KANSL1: variants seen among roughly 807,000 people sequenced by gnomAD.
KANSL1 encodes the protein KAT8 regulatory NSL complex subunit 1.
In KANSL1, 22 loss-of-function variants were observed where a neutral mutation model predicts 103.6. That is an observed-to-expected ratio of 0.21 (90% CI 0.15 to 0.30). The LOEUF is 0.30. Ranked by LOEUF, KANSL1 falls within the 10% of genes least tolerant of loss-of-function variation. KANSL1 has a pLI of 1.00. For missense variants in KANSL1, 1,337 were observed against 1,399.8 expected, an observed-to-expected ratio of 0.96 and a Z score of 0.72; for synonymous variants, 600 against 527.6, an observed-to-expected ratio of 1.14 and a Z score of -1.88.
At chr17:46,052,964 CAAAAAAAAAAAAAAAAAAAAAAAAAAAA>C (rs34473927) in intron 6 of KANSL1, among the ~76,000 whole-genome samples, 6 of 32,972 alleles carry the variant, frequency 1.8e-4, no homozygotes, top group East Asian at 8.1e-4. Context: ...ATCCTGTCTC[CAAAAAAAAAAAAAAAAAAAAAAAAAAAA>C]AAAAAAAAAA....
At chr17:46,071,185 AAGTCAAC>A (rs1163777746) in intron 4 of KANSL1, among the ~76,000 whole-genome samples, 1 of 152,192 alleles carries the variant, frequency 6.6e-6, no homozygotes, top group Non-Finnish European at 1.5e-5. Flanking sequence ...ATCAAAATTG[AAGTCAAC>A]AGGCAACACA....
chr17:46,200,030 A>G (rs1365976439), intron 1 of KANSL1, among the ~76,000 whole-genome samples: 1 of 116,772 alleles, frequency 8.6e-6, no homozygotes, highest in African/African-American at 3.4e-5. Context: ...AAAGTTCCTC[A>G]ATGAGTTTAC....
intron 2 of KANSL1, among the ~76,000 whole-genome samples, chr17:46,139,658 C>T (rs1313612278): frequency 6.6e-6 from 1 of 152,160 alleles, no homozygotes. Flanking sequence ...GTCTAGTACT[C>T]CTGTTGCCTA....
In KANSL1 at chr17:46,170,201, C is replaced by T. The variant is rs370310577; in HGVS notation, c.1289+654G>A. The T allele has an allele frequency of 1.1e-4, 16 of 151,244 alleles. No individual in the cohort carries two copies. In the East Asian group the frequency reaches 3.1e-3, roughly 29 times the overall value. The allele number at this position is 151,244 out of a possible 1,614,324, so 9.4% of individuals were successfully genotyped here. ...AAAAACAACCCAGTAAGAATTTATT[C>T]CAAATACATCAATACATTTAACTCA... On this transcript the variant is annotated intron_variant, in intron 2 of 14. Coordinates refer to ENST00000432791, the MANE Select transcript of KANSL1 (RefSeq NM_015443.4).
At chr17:46,047,714 G>A (rs1182765727) in intron 7 of KANSL1, among the ~76,000 whole-genome samples, 1 of 151,188 alleles carries the variant, frequency 6.6e-6, no homozygotes, top group Non-Finnish European at 1.5e-5. Context: ...TTAGAGCCCA[G>A]GAAGTCAAGG....
intron 4 of KANSL1, among the ~76,000 whole-genome samples, chr17:46,075,284 G>GT (rs1568419437): frequency 6.6e-6 from 1 of 152,164 alleles, no homozygotes; most frequent in Non-Finnish European, 1.5e-5. Flanking sequence ...GACAAGATGT[G>GT]TTAAGATTAG....
At chr17:46,128,540 T>G (rs1221290909) in intron 2 of KANSL1, among the ~76,000 whole-genome samples, 2 of 151,538 alleles carry the variant, frequency 1.3e-5, no homozygotes. Context: ...GGACAGAGAG[T>G]GAAGTTGTCC....
intron 10 of KANSL1, chr17:46,038,323 C>G (rs1367517463): frequency 1.7e-6 from 1 of 578,144 alleles, no homozygotes; most frequent in East Asian, 2.8e-5. Flanking sequence ...AAATCCATCT[C>G]TGCTATGAAA....
In KANSL1 at chr17:46,090,602, C is replaced by T. The variant is rs558271645; in HGVS notation, c.1431+3958G>A. ...TTCATGTAAGCAGCTGGTAGCAAAG[C>T]CACGATTAGAAACAAAAATTTACCA... On this transcript the variant is annotated intron_variant, in intron 3 of 14. Transcript: ENST00000432791. Among the ~76,000 whole-genome samples the T allele has an allele frequency of 2.0e-5, 3 of 152,274 alleles. No homozygotes were observed. In the South Asian group the frequency reaches 6.2e-4, roughly 32 times the overall value.
intron 9 of KANSL1, 30 bp from the exon 10 acceptor site, chr17:46,038,716 A>G (rs751450813): frequency 6.2e-7 from 1 of 1,613,004 alleles, no homozygotes; most frequent in South Asian, 1.1e-5. Context: ...AGAGAGAAAT[A>G]CATGGCTATC....
At chr17:46,212,015 A>G (rs1485439511) in intron 1 of KANSL1, among the ~76,000 whole-genome samples, 1 of 152,138 alleles carries the variant, frequency 6.6e-6, no homozygotes, top group African/African-American at 2.4e-5. Context: ...GGTTGGACAG[A>G]CCCCGGACAG....
intron 2 of KANSL1, among the ~76,000 whole-genome samples, chr17:46,105,939 ACACACACACCC>A (rs1567680791): frequency 0.025 from 1,915 of 76,470 alleles, 39 homozygotes; most frequent in Non-Finnish European, 0.044. Flanking sequence ...ACACACACAC[ACACACACACCC>A]CCCCAGAAGG....
At chr17:46,207,649 A>G (rs1456453398) in intron 1 of KANSL1, among the ~76,000 whole-genome samples, 1 of 152,270 alleles carries the variant, frequency 6.6e-6, no homozygotes, top group African/African-American at 2.4e-5. Context: ...ACATTTCTCC[A>G]AAGAAGATAT....
intron 7 of KANSL1, chr17:46,044,379 T>G (rs1275343770): frequency 6.6e-6 from 1 of 152,250 alleles, no homozygotes; most frequent in Non-Finnish European, 1.5e-5. Flanking sequence ...CACCTGGCTG[T>G]CTGGCTCCTT....
chr17:46,039,707 G>A lies in KANSL1; in HGVS notation c.2198C>T (p.Thr733Ile). The A allele has an allele frequency of 6.2e-7, 1 of 1,612,956 alleles. No individual in the cohort carries two copies. The highest frequency in any genetic ancestry group is 8.5e-7 in the Non-Finnish European group (1 of 1,179,380). Residue 733 changes from threonine (T) to isoleucine (I), a missense_variant, in exon 8 of 15, where the codon ACA (threonine) becomes ATA (isoleucine). This residue lies in a region of KANSL1 where 780 missense variants were observed against 923.4 expected (regional missense o/e 0.84). Transcript: ENST00000432791. ...CCCGGCTCCCTGACACTTACTGGCT[G>A]TTGTTAGGAAGGAGCTGACCAATTT... ...RHKLVSSFLT[T>I]AKLSHHQTRP...
chr17:46,036,683 G>A (rs761608142), intron 10 of KANSL1, among the ~76,000 whole-genome samples: 8 of 151,966 alleles, frequency 5.3e-5, no homozygotes, highest in Non-Finnish European at 1.2e-4. Context: ...TGCAGATACT[G>A]CAGATACTGA....
At chr17:46,134,124 G>A (rs1012826706) in intron 2 of KANSL1, among the ~76,000 whole-genome samples, 3 of 152,212 alleles carry the variant, frequency 2.0e-5, no homozygotes, top group Non-Finnish European at 4.4e-5. Context: ...ATGGCCTGGC[G>A]TGGTGGCTCA....
chr17:46,107,019 A>T (rs991349018), intron 2 of KANSL1, among the ~76,000 whole-genome samples: 1 of 152,220 alleles, frequency 6.6e-6, no homozygotes, highest in African/African-American at 2.4e-5. Flanking sequence ...AGGCCCCAGG[A>T]CTAAAGGAAC....
At chr17:46,047,816 AAAC>A (rs1222768714) in intron 7 of KANSL1, among the ~76,000 whole-genome samples, 5 of 131,576 alleles carry the variant, frequency 3.8e-5, no homozygotes, top group Non-Finnish European at 8.9e-5. Context: ...AAAAAAAAAA[AAAC>A]AAAAAAAAAA....
Sources: allele counts gnomAD v4.1 joint callset (sites outside exome capture counted in the v4.1 genomes callset), GRCh38; gene constraint gnomAD v4.1.1; regional missense constraint gnomAD v4.1.1; transcripts MANE v1.5; gene names NCBI Gene and HGNC (gene_info 2026-07-23, HGNC 2026-07-21).